The following SV2C variants were observed in gnomAD, a reference collection of about 807,000 sequenced individuals.
The protein encoded by SV2C is solute carrier family 22 member B3.
Under a neutral mutation model 79.7 loss-of-function variants are expected in SV2C, and 49 were observed. That is an observed-to-expected ratio of 0.61 (90% confidence interval 0.49 to 0.78). SV2C has a LOEUF of 0.78. Among genes scored for constraint, SV2C ranks in the 30% least tolerant of loss-of-function variants. The probability of loss-of-function intolerance (pLI) is 0.00; values close to 1 mark genes in which losing one functional copy is unlikely to be tolerated. For synonymous variants in SV2C, 334 were observed against 333.2 expected, an observed-to-expected ratio of 1.00 and a Z score of -0.03; for missense variants, 833 against 912.9, an observed-to-expected ratio of 0.91 and a Z score of 1.13.
At chr5:75,905,468 T>C in the SV2C span, among the ~76,000 whole-genome samples, 6 of 152,358 alleles carry the variant, frequency 3.9e-5, no homozygotes, top group East Asian at 1.2e-3. Flanking sequence ...CTTCTTTGGC[T>C]GGCTTTGGTG....
Position 76,092,618 on chromosome 5 carries a change from C to A in SV2C, c.-102+9106C>A, listed in dbSNP as rs1747415629. 2.6e-5 allele frequency among the ~76,000 whole-genome samples: 4 copies of A among 152,110 alleles called. No homozygotes were observed. In the South Asian group the frequency reaches 8.3e-4, roughly 32 times the overall value. On this transcript the variant is annotated intron_variant, in intron 1 of 12. Coordinates refer to ENST00000502798, the MANE Select transcript of SV2C (RefSeq NM_014979.4). ...TAAATCTTATTTGTCCAATAGCTGT[C>A]AAAAGCCTGTATTAATACTTGGAAT...
the SV2C span, among the ~76,000 whole-genome samples, chr5:76,071,432 T>C: frequency 6.6e-6 from 1 of 152,268 alleles, no homozygotes; most frequent in Middle Eastern, 3.4e-3. Flanking sequence ...AAATGGCTAA[T>C]AGAGTACCCA....
intron 2 of SV2C, among the ~76,000 whole-genome samples, chr5:76,177,194 TTAATATATACAAA>T (rs67651684): frequency 0.68 from 99,585 of 145,770 alleles, 34,857 homozygotes; most frequent in East Asian, 0.97. Flanking sequence ...ATATTATATA[TTAATATATACAAA>T]TAATATATAC....
At chr5:76,128,776 T>G (rs1248687843) in intron 1 of SV2C, among the ~76,000 whole-genome samples, 1 of 152,226 alleles carries the variant, frequency 6.6e-6, no homozygotes, top group East Asian at 1.9e-4. Context: ...ACATATATTA[T>G]GTGGCATAAC....
downstream of SV2C, among the ~76,000 whole-genome samples, chr5:76,336,177 T>C (rs1353834073): frequency 2.0e-5 from 3 of 147,068 alleles, no homozygotes; most frequent in Admixed American, 6.7e-5. Context: ...CCGGATGGGG[T>C]GGCTGCCGGG....
At chr5:75,937,786 C>T in the SV2C span, among the ~76,000 whole-genome samples, 5 of 152,220 alleles carry the variant, frequency 3.3e-5, no homozygotes, top group Non-Finnish European at 7.4e-5. Context: ...TAGGGTCTTC[C>T]AGTCAGTGGT....
At chr5:75,971,953 G>A in the SV2C span, among the ~76,000 whole-genome samples, 26 of 152,186 alleles carry the variant, frequency 1.7e-4, no homozygotes, top group Admixed American at 1.2e-3. Flanking sequence ...AACCAAAACA[G>A]CATGGTACTG....
chr5:75,947,542 G>A, the SV2C span, among the ~76,000 whole-genome samples: 6 of 151,982 alleles, frequency 3.9e-5, no homozygotes, highest in Admixed American at 3.9e-4. Context: ...CTCAGGCTTT[G>A]CTGGATATGA....
At chr5:75,879,567 T>G in the SV2C span, among the ~76,000 whole-genome samples, 1 of 152,168 alleles carries the variant, frequency 6.6e-6, no homozygotes, top group African/African-American at 2.4e-5. Context: ...GTGCAAGAGG[T>G]GGGCTCCCAA....
At chr5:76,063,350 T>G in the SV2C span, among the ~76,000 whole-genome samples, 2 of 152,086 alleles carry the variant, frequency 1.3e-5, no homozygotes, top group Admixed American at 6.6e-5. Context: ...GTTCAGCCAA[T>G]CCTAGGACAC....
chr5:76,278,569 A>G (rs1747090488), intron 4 of SV2C, among the ~76,000 whole-genome samples: 1 of 152,136 alleles, frequency 6.6e-6, no homozygotes, highest in South Asian at 2.1e-4. Context: ...AATACAACAA[A>G]CATCCTTTCT....
intron 2 of SV2C, among the ~76,000 whole-genome samples, chr5:76,170,016 A>G (rs1023251149): frequency 4.6e-5 from 7 of 152,318 alleles, no homozygotes; most frequent in Non-Finnish European, 8.8e-5. Flanking sequence ...TTTCTCTACA[A>G]AAATGTTGAT....
the SV2C span, among the ~76,000 whole-genome samples, chr5:75,933,633 A>G: frequency 6.6e-6 from 1 of 152,238 alleles, no homozygotes; most frequent in Non-Finnish European, 1.5e-5. Context: ...CCAGTTGCCC[A>G]GCTGGAAGTT....
the SV2C span, among the ~76,000 whole-genome samples, chr5:75,880,304 C>CT: frequency 0.12 from 18,938 of 152,024 alleles, 1,389 homozygotes; most frequent in African/African-American, 0.22. Flanking sequence ...TTTTATAGCA[C>CT]TGGCTAGGCT....
chr5:76,019,578 TG>T, the SV2C span, among the ~76,000 whole-genome samples: 1 of 152,144 alleles, frequency 6.6e-6, no homozygotes, highest in Admixed American at 6.6e-5. Context: ...GTGTCAAAAT[TG>T]GATATTTCTT....
chr5:75,881,357 C>T, the SV2C span, among the ~76,000 whole-genome samples: 2 of 152,180 alleles, frequency 1.3e-5, no homozygotes, highest in African/African-American at 4.8e-5. Context: ...TATATAAAGA[C>T]AGTGACTGGC....
chr5:76,269,460 A>T (rs548414214), intron 4 of SV2C, among the ~76,000 whole-genome samples: 1 of 152,198 alleles, frequency 6.6e-6, no homozygotes, highest in Non-Finnish European at 1.5e-5. Context: ...GGCAGCCAAC[A>T]AGATCGTTGA....
In SV2C at chr5:76,301,542, G is replaced by A. The variant is rs202233851; in HGVS notation, c.1997G>A (p.Arg666Gln). 146 of 1,611,928 alleles carry A rather than the reference G, an allele frequency of 9.1e-5. No homozygotes were observed. Among genetic ancestry groups the A allele is most frequent in the Middle Eastern group, 3.4e-4 (2 of 5,948 alleles). The change falls in exon 12 of 13, where the codon CGG becomes CAG. Residue 666 changes from arginine (R) to glutamine (Q), a missense_variant. By Grantham distance (43) the Arg-to-Gln change is conservative. Transcript: ENST00000502798. ...ACTGTGGAACTGTACCCCACAGACC[G>A]GAGGTATGTTGAAATGGGCCTCTAG... ...VVTVELYPTD[R>Q]RATGFGFLNA...
At chr5:75,929,290 T>C in the SV2C span, among the ~76,000 whole-genome samples, 2 of 151,996 alleles carry the variant, frequency 1.3e-5, no homozygotes, top group Non-Finnish European at 2.9e-5. Context: ...CTCTGGGGGA[T>C]GCTGCACAGT....
Sources: allele counts gnomAD v4.1 joint callset (sites outside exome capture counted in the v4.1 genomes callset), GRCh38; gene constraint gnomAD v4.1.1; transcripts MANE v1.5; gene names NCBI Gene and HGNC (gene_info 2026-07-23, HGNC 2026-07-21).